RAB3GAP2: variants seen among roughly 807,000 people sequenced by gnomAD.
RAB3GAP2 encodes the protein RAB3 GTPase activating non-catalytic protein subunit 2.
A neutral mutation model predicts 185.3 loss-of-function variants in RAB3GAP2; 87 were observed. The ratio of observed to expected loss-of-function variants is 0.47; its 90% confidence interval spans 0.39 to 0.56. The LOEUF (loss-of-function observed/expected upper bound fraction) is 0.56, where lower values mean the gene tolerates loss of function less well. Ranked by LOEUF, RAB3GAP2 falls within the 20% of genes least tolerant of loss-of-function variation. The probability of loss-of-function intolerance (pLI) is 0.00; values close to 1 mark genes in which losing one functional copy is unlikely to be tolerated. For missense variants in RAB3GAP2, 1,492 were observed against 1,638.2 expected, an observed-to-expected ratio of 0.91 and a Z score of 1.54; for synonymous variants, 554 against 576.1, an observed-to-expected ratio of 0.96 and a Z score of 0.55.
At chr1:220,163,949 T>C (rs1411169171) in intron 27 of RAB3GAP2, among the ~76,000 whole-genome samples, 3 of 151,876 alleles carry the variant, frequency 2.0e-5, no homozygotes, top group Non-Finnish European at 4.4e-5. Flanking sequence ...ATATCTCCTC[T>C]TACCCAGCCT....
chr1:220,202,383 GATAAA>G lies in RAB3GAP2; in HGVS notation c.713-14_713-10del. On this transcript the variant is annotated splice_polypyrimidine_tract_variant and intron_variant, in intron 8 of 34. Transcript: ENST00000358951. ...ATTGCCTGATGCTGCAGCTACCAAA[GATAAA>G]ATAAGACAATCCAAACTTATTATGG... The G allele has an allele frequency of 1.2e-6, 2 of 1,610,510 alleles. No homozygotes were observed. The highest frequency in any genetic ancestry group is 1.7e-6 in the Non-Finnish European group (2 of 1,177,174).
At chr1:220,214,142 C>G (rs963847566) in intron 2 of RAB3GAP2, among the ~76,000 whole-genome samples, 163 bp from the exon 3 acceptor site, 2 of 152,094 alleles carry the variant, frequency 1.3e-5, no homozygotes, top group African/African-American at 4.8e-5. Context: ...CCAAAGATGG[C>G]TGACAAACAA....
intron 13 of RAB3GAP2, among the ~76,000 whole-genome samples, chr1:220,191,849 A>G (rs1571892029): frequency 1.3e-5 from 2 of 151,964 alleles, no homozygotes; most frequent in South Asian, 4.2e-4. Flanking sequence ...TTATAGATAT[A>G]ATTGAAGCCA....
rs1657729713 is a variant in RAB3GAP2 at position 220,150,478 on chromosome 1, G to C, written c.*773C>G. Reference sequence around the variant, plus strand: ...TTTTTTTTTTTTTTTTTTTACATAAGTTTTACAAGATAATACATTTTTACA... The same window carrying C: ...TTTTTTTTTTTTTTTTTTTACATAACTTTTACAAGATAATACATTTTTACA... On this transcript the variant is annotated 3_prime_UTR_variant, in exon 35 of 35. Transcript: ENST00000358951. The C allele has an allele frequency of 8.6e-6, 1 of 116,264 alleles. No homozygotes were observed. Among genetic ancestry groups the C allele is most frequent in the Admixed American group, 9.7e-5 (1 of 10,262 alleles). 7.2% of individuals were successfully genotyped at this position (116,264 alleles called of 1,614,324 possible).
chr1:220,204,941 C>A (rs1029569001), intron 8 of RAB3GAP2, among the ~76,000 whole-genome samples: 13 of 151,836 alleles, frequency 8.6e-5, no homozygotes, highest in African/African-American at 3.1e-4. Context: ...GCATAGTATT[C>A]CATGGTGTAT....
At chr1:220,253,455 G>A in intron 1 of RAB3GAP2, 3 of 1,476,022 alleles carry the variant, frequency 2.0e-6, no homozygotes, top group Middle Eastern at 2.5e-4. Flanking sequence ...CAGAACCCAG[G>A]ATGTAGAGCT....
chr1:220,256,582 T>C (rs1660035652), intron 1 of RAB3GAP2, among the ~76,000 whole-genome samples: 1 of 150,956 alleles, frequency 6.6e-6, no homozygotes, highest in Admixed American at 6.6e-5. Flanking sequence ...AAAGCAGGGG[T>C]TGCAATCCTA....
rs370330902 is a variant in RAB3GAP2, at chr1:220,258,279, C to A, written c.115+13944G>T. On this transcript the variant is annotated intron_variant, in intron 1 of 34. Transcript: ENST00000358951. ...ATACCAAAACCCGGCAGAGATACAA[C>A]AAAAGAAAAAAACTTCAGGCCAATA... Among the ~76,000 whole-genome samples, 7 of 152,088 alleles carry A rather than the reference C, an allele frequency of 4.6e-5. No individual in the cohort carries two copies. In the East Asian group the frequency reaches 1.4e-3, roughly 29 times the overall value.
chr1:220,220,004 G>C (rs916440549), intron 2 of RAB3GAP2, among the ~76,000 whole-genome samples: 1 of 152,008 alleles, frequency 6.6e-6, no homozygotes, highest in East Asian at 1.9e-4. Context: ...CCAATAATGG[G>C]GCCCACAGTC....
chr1:220,243,843 A>G (rs1189806036), intron 1 of RAB3GAP2, among the ~76,000 whole-genome samples: 1 of 152,224 alleles, frequency 6.6e-6, no homozygotes, highest in East Asian at 1.9e-4. Context: ...ACAAATATTA[A>G]TTAGGTTACT....
chr1:220,267,280 G>T, intron 1 of RAB3GAP2: 1 of 915,956 alleles, frequency 1.1e-6, no homozygotes, highest in Non-Finnish European at 1.8e-6. Context: ...TTCAAGTGGT[G>T]TATATTCCAG....
chr1:220,263,623 C>T (rs1660179320), intron 1 of RAB3GAP2, among the ~76,000 whole-genome samples: 1 of 152,068 alleles, frequency 6.6e-6, no homozygotes, highest in Non-Finnish European at 1.5e-5. Context: ...TACTTATCAG[C>T]TATCTATTCC....
chr1:220,159,266 A>G (rs1319605126), intron 29 of RAB3GAP2, 120 bp downstream of exon 29: 1 of 825,324 alleles, frequency 1.2e-6, no homozygotes, highest in Non-Finnish European at 2.0e-6. Flanking sequence ...CATTTTTCTT[A>G]TCTCCTTCTG....
At chr1:220,245,410 A>G (rs12562531) in intron 1 of RAB3GAP2, among the ~76,000 whole-genome samples, 24 of 152,210 alleles carry the variant, frequency 1.6e-4, no homozygotes, top group South Asian at 4.1e-4. Flanking sequence ...TGGTGACGGA[A>G]GCACCTGGAA....
In RAB3GAP2 at chr1:220,256,390, A is replaced by T. The variant is rs372583751; in HGVS notation, c.115+15833T>A. Among the ~76,000 whole-genome samples, 4 of 152,380 alleles carry T rather than the reference A, an allele frequency of 2.6e-5. No homozygotes were observed. The East Asian group carries it at 7.7e-4, about 29-fold the overall frequency. On this transcript the variant is annotated intron_variant, in intron 1 of 34. Transcript: ENST00000358951. ...CAGCTAGCATCATGATGACAGGATC[A>T]AATCCACACATAACAATACTAACCT...
chr1:220,272,290 G>A lies in RAB3GAP2; in HGVS notation c.48C>T (p.Ala16=). 1.2e-6 allele frequency: 2 copies of A among 1,612,484 alleles called. No individual in the cohort carries two copies. The highest frequency in any genetic ancestry group is 2.2e-5 in the South Asian group (2 of 90,330). Residue 16 remains alanine (A), a synonymous_variant, in exon 1 of 35, where the codon GCC becomes GCT. Coordinates refer to ENST00000358951, the MANE Select transcript of RAB3GAP2 (RefSeq NM_012414.4). ...GGTGAGGAAAGAGGAAGTCCCGGGCGGCCTGGAGGTCCTGGAAGTAGCAGA... is the reference window on the plus strand; with the variant it reads ...GGTGAGGAAAGAGGAAGTCCCGGGCAGCCTGGAGGTCCTGGAAGTAGCAGA... ...VQFCYFQDLQ[A]ARDFLFPHLR...
At chr1:220,227,409 T>TAG in intron 2 of RAB3GAP2, among the ~76,000 whole-genome samples, 1 of 152,226 alleles carries the variant, frequency 6.6e-6, no homozygotes. Flanking sequence ...GTACTGTCAC[T>TAG]CTGAACATAA....
At chr1:220,226,445 A>C (rs1213035853) in intron 2 of RAB3GAP2, among the ~76,000 whole-genome samples, 1 of 151,848 alleles carries the variant, frequency 6.6e-6, no homozygotes, top group Non-Finnish European at 1.5e-5. Flanking sequence ...AAAAAAAAAA[A>C]CCAGCAAAGC....
intron 33 of RAB3GAP2, 71 bp from the exon 34 acceptor site, chr1:220,151,835 T>C: frequency 6.8e-7 from 1 of 1,477,370 alleles, no homozygotes; most frequent in Non-Finnish European, 9.4e-7. Flanking sequence ...GGAAAGGGGT[T>C]GCCAGTGAAG....
Sources: allele counts gnomAD v4.1 joint callset (sites outside exome capture counted in the v4.1 genomes callset), GRCh38; gene constraint gnomAD v4.1.1; transcripts MANE v1.5; gene names NCBI Gene and HGNC (gene_info 2026-07-23, HGNC 2026-07-21).